The following GREB1 variants were observed in gnomAD, a reference collection of about 807,000 sequenced individuals.
GREB1 encodes growth regulating estrogen receptor binding 1.
In GREB1, 106 loss-of-function variants were observed where a neutral mutation model predicts 200.7. That is an observed-to-expected ratio of 0.53 (90% CI 0.45 to 0.62). The LOEUF (loss-of-function observed/expected upper bound fraction) is 0.62. Among genes scored for constraint, GREB1 ranks in the 20% least tolerant of loss-of-function variants. The probability of loss-of-function intolerance (pLI) is 0.00; values close to 1 mark genes in which losing one functional copy is unlikely to be tolerated. For synonymous variants in GREB1, 1,132 were observed against 1,092.4 expected, an observed-to-expected ratio of 1.04 and a Z score of -0.72; for missense variants, 2,243 against 2,556.8, an observed-to-expected ratio of 0.88 and a Z score of 2.65.
At position 11,595,401 on chromosome 2, in the gene GREB1, T is replaced by G. The variant is rs1572859632; in HGVS notation, c.1825+22T>G. ...CCAGGTAGGCTTGTCGTGAGACAGG[T>G]GCACATGCGTATGTTAATAGGACAG... On this transcript the variant is annotated intron_variant, in intron 12 of 32. Transcript: ENST00000381486. 2 of 1,608,842 alleles carry G rather than the reference T, an allele frequency of 1.2e-6. 1 individual carries two copies. The highest frequency in any genetic ancestry group is 2.2e-5 in the South Asian group (2 of 90,828).
chr2:11,529,809 G>A (rs922754082), upstream of GREB1, among the ~76,000 whole-genome samples: 4 of 152,206 alleles, frequency 2.6e-5, no homozygotes, highest in African/African-American at 4.8e-5. Context: ...CAGGAACATT[G>A]TATGAGGCAG....
At chr2:11,516,875 C>T (rs1673524612) in intron 1 of GREB1, among the ~76,000 whole-genome samples, 1 of 152,220 alleles carries the variant, frequency 6.6e-6, no homozygotes, top group African/African-American at 2.4e-5. Flanking sequence ...GCTTCTGTCT[C>T]CTACTGAGAC....
At position 11,589,214 on chromosome 2, in the gene GREB1, C is replaced by T. The variant is rs188597151; in HGVS notation, c.1345+283C>T. Among the ~76,000 whole-genome samples, 4 of 152,206 alleles carry T rather than the reference C, an allele frequency of 2.6e-5. No homozygotes were observed. In the East Asian group the frequency reaches 7.7e-4, roughly 29 times the overall value. The stretch of plus-strand genomic sequence containing the variant: ...TTGAGCAAAGACCCTGTCCTTGAGG[C>T]GATTCTAGTCTTAGTGGGAGAGAGA... On this transcript the variant is annotated intron_variant, in intron 10 of 32. Transcript: ENST00000381486.
At chr2:11,607,424 A>ATG (rs1348761335) in intron 17 of GREB1, among the ~76,000 whole-genome samples, 3 of 77,030 alleles carry the variant, frequency 3.9e-5, no homozygotes, top group Non-Finnish European at 7.8e-5. Context: ...CATCCAGTAT[A>ATG]TGTATGTGTG....
At position 11,585,209 on chromosome 2, in the gene GREB1, C is replaced by A; in HGVS notation, c.950C>A (p.Ser317Tyr). Residue 317 changes from serine (S) to tyrosine (Y), a missense_variant, in exon 8 of 33, where the codon TCT becomes TAT. Transcript: ENST00000381486. ...GPPKKRHKGW[S>Y]PESPSAPDGG... ...CCCAAAAAACGCCACAAAGGGTGGT[C>A]TCCAGAATCTCCATCAGCTCCAGAT... 1 of 1,586,684 alleles carries A rather than the reference C, an allele frequency of 6.3e-7. No individual in the cohort carries two copies. The highest frequency in any genetic ancestry group is 8.6e-7 in the Non-Finnish European group (1 of 1,169,002).
intron 1 of GREB1, among the ~76,000 whole-genome samples, chr2:11,535,951 G>T (rs1674275033): frequency 6.6e-6 from 1 of 151,600 alleles, no homozygotes; most frequent in Non-Finnish European, 1.5e-5. Context: ...ACACTACCTT[G>T]TAAATAAACT....
chr2:11,506,542 G>A (rs1184114315), intron 1 of GREB1, among the ~76,000 whole-genome samples: 1 of 152,176 alleles, frequency 6.6e-6, no homozygotes, highest in Non-Finnish European at 1.5e-5. Flanking sequence ...TTTAGTTGGT[G>A]TATTTATTAT....
chr2:11,557,497 C>A (rs58921396), intron 2 of GREB1, among the ~76,000 whole-genome samples: 5,732 of 152,218 alleles, frequency 0.038, 224 homozygotes, highest in African/African-American at 0.091. Context: ...CTAGAATTAA[C>A]GAAGAAAGCA....
chr2:11,499,750 A>G (rs1672979273), intron 1 of GREB1, among the ~76,000 whole-genome samples: 1 of 152,240 alleles, frequency 6.6e-6, no homozygotes, highest in African/African-American at 2.4e-5. Context: ...GAGATTCTTC[A>G]TATCCTTTTA....
intron 1 of GREB1, among the ~76,000 whole-genome samples, chr2:11,517,046 C>G (rs138881017): frequency 6.6e-6 from 1 of 152,336 alleles, no homozygotes; most frequent in African/African-American, 2.4e-5. Flanking sequence ...ATTCCAGTGG[C>G]TGTCTTTGCC....
At chr2:11,594,577 A>G (rs1572856685) in intron 11 of GREB1, among the ~76,000 whole-genome samples, 2 of 150,136 alleles carry the variant, frequency 1.3e-5, no homozygotes, top group Non-Finnish European at 3.0e-5. Flanking sequence ...CTGGTCTCAA[A>G]CTCCTGACCT....
chr2:11,487,085 A>G (rs1350427608), intron 1 of GREB1, among the ~76,000 whole-genome samples: 1 of 152,166 alleles, frequency 6.6e-6, no homozygotes, highest in Non-Finnish European at 1.5e-5. Flanking sequence ...CTTTGACATT[A>G]TTATTTTAAA....
Position 11,598,699 on chromosome 2 carries a change from T to A in GREB1, c.2172T>A (p.Gly724=). ...TTGCAGGGGTTTTGCTGGAGCTTGG[T>A]CTGAAGAAAGAGCACATGACGAAGC... ...VWHSGVLLEL[G]LKKEHMTKQR... is the part of the protein sequence containing the mutation. The change falls in exon 15 of 33, where the codon GGT becomes GGA. Residue 724 remains glycine (G), a synonymous_variant. Transcript: ENST00000381486. 6.2e-7 allele frequency: 1 copy of A among 1,614,150 alleles called. No homozygotes were observed.
intron 10 of GREB1, among the ~76,000 whole-genome samples, chr2:11,592,301 T>C (rs1041698232): frequency 2.6e-5 from 4 of 151,522 alleles, no homozygotes; most frequent in African/African-American, 4.9e-5. Context: ...CAACTTATAA[T>C]TGGTGAGTGG....
Position 11,618,833 on chromosome 2 carries a change from C to T in GREB1, c.3958C>T (p.Pro1320Ser), listed in dbSNP as rs199868861. Reference protein sequence around the residue: ...LYYRQWTVPRPSHMDYGNRAE... With the variant: ...LYYRQWTVPRSSHMDYGNRAE... The stretch of plus-strand genomic sequence containing the variant: ...CTACCGGCAGTGGACGGTGCCCCGG[C>T]CCAGCCACATGGACTACGGCAACCG... Residue 1320 changes from proline (P) to serine (S), a missense_variant, in exon 22 of 33, where the codon CCC becomes TCC. Transcript: ENST00000381486. 45 of 1,604,372 alleles carry T rather than the reference C, an allele frequency of 2.8e-5. 1 individual carries two copies. The Admixed American group carries it at 6.3e-4, about 23-fold the overall frequency.
chr2:11,559,000 G>T (rs146973636), intron 2 of GREB1, among the ~76,000 whole-genome samples: 42 of 152,240 alleles, frequency 2.8e-4, no homozygotes, highest in East Asian at 2.1e-3. Flanking sequence ...CAACAAAACA[G>T]ACACTGTCCA....
At position 11,555,829 on chromosome 2, in the gene GREB1, G is replaced by A. The variant is rs1023185626; in HGVS notation, c.-161-625G>A. Among the ~76,000 whole-genome samples the A allele has an allele frequency of 3.3e-5, 5 of 152,136 alleles. No individual in the cohort carries two copies. The East Asian group carries it at 5.8e-4, about 18-fold the overall frequency. On this transcript the variant is annotated intron_variant, in intron 1 of 32. Transcript: ENST00000381486. ...TAGTTACACGACACTGTGAATATAC[G>A]AAAAACCATTGAGTTGTCTACTTTA...
chr2:11,625,183 C>A lies in GREB1; in HGVS notation c.4177C>A (p.Leu1393Ile). 2 of 1,613,928 alleles carry A rather than the reference C, an allele frequency of 1.2e-6. No homozygotes were observed. The highest frequency in any genetic ancestry group is 1.7e-6 in the Non-Finnish European group (2 of 1,179,786). The change falls in exon 24 of 33, where the codon CTC becomes ATC. Residue 1393 changes from leucine to isoleucine, a missense_variant. Transcript: ENST00000381486. The stretch of plus-strand genomic sequence containing the variant: ...CAGAGAAGAATCTGACTGGCATTAT[C>A]TCCAGCTTAGCGACCCCTGGCCAGA... Reference protein sequence around the residue: ...NLREESDWHYLQLSDPWPDLE... With the variant: ...NLREESDWHYIQLSDPWPDLE...
chr2:11,586,842 C>T (rs756356182), intron 9 of GREB1, among the ~76,000 whole-genome samples: 19 of 152,156 alleles, frequency 1.2e-4, no homozygotes, highest in Non-Finnish European at 2.5e-4. Flanking sequence ...GACCAATGAC[C>T]GAGGCAGTTC....
Sources: gnomAD v4.1 joint callset for allele counts (sites outside exome capture counted in the v4.1 genomes callset) on GRCh38, gnomAD v4.1.1 for gene constraint, MANE v1.5 for transcripts, NCBI Gene and HGNC (gene_info 2026-07-23, HGNC 2026-07-21) for gene names.